PTDSS1: variants seen among roughly 807,000 people sequenced by gnomAD.
PTDSS1 encodes the protein phosphatidylserine synthase 1.
A neutral mutation model predicts 70.5 loss-of-function variants in PTDSS1; 45 were observed. That is an observed-to-expected ratio of 0.64 (90% CI 0.50 to 0.82). The LOEUF (loss-of-function observed/expected upper bound fraction) is 0.82. PTDSS1 is among the 40% of genes least tolerant of loss of function. The pLI, the probability that PTDSS1 is intolerant of heterozygous loss-of-function variation, is 0.00. For missense variants in PTDSS1, 417 were observed against 586.1 expected, an observed-to-expected ratio of 0.71 and a Z score of 2.98; for synonymous variants, 188 against 203.8, an observed-to-expected ratio of 0.92 and a Z score of 0.66.
intron 1 of PTDSS1, among the ~76,000 whole-genome samples, chr8:96,270,602 TAGTCTGATAGGA>T (rs1810552186): frequency 6.6e-6 from 1 of 152,218 alleles, no homozygotes; most frequent in Non-Finnish European, 1.5e-5. Context: ...TTGGGGCCTT[TAGTCTGATAGGA>T]CTCACATGGC....
intron 10 of PTDSS1, among the ~76,000 whole-genome samples, chr8:96,327,351 A>G (rs1446616671): frequency 6.6e-6 from 1 of 152,108 alleles, no homozygotes; most frequent in Non-Finnish European, 1.5e-5. Flanking sequence ...CTCTGATTAG[A>G]CTTACAGGAT....
chr8:96,318,893 C>G (rs1243382123), intron 9 of PTDSS1, among the ~76,000 whole-genome samples: 1 of 141,972 alleles, frequency 7.0e-6, no homozygotes, highest in Non-Finnish European at 1.5e-5. Context: ...CTTCTTGGCC[C>G]CTTCTTGCCT....
intron 10 of PTDSS1, among the ~76,000 whole-genome samples, chr8:96,322,144 C>T (rs1184636781): frequency 1.3e-5 from 2 of 152,134 alleles, no homozygotes; most frequent in African/African-American, 4.8e-5. Context: ...CACAGCAAAT[C>T]ACAGGCCTCC....
intron 1 of PTDSS1, among the ~76,000 whole-genome samples, chr8:96,264,523 C>G (rs1181466366): frequency 6.6e-6 from 1 of 152,096 alleles, no homozygotes; most frequent in Non-Finnish European, 1.5e-5. Context: ...AGTTTAACTT[C>G]ATCTTAGGTG....
intron 9 of PTDSS1, among the ~76,000 whole-genome samples, chr8:96,314,242 T>G (rs950210283): frequency 2.0e-5 from 3 of 152,170 alleles, no homozygotes; most frequent in African/African-American, 4.8e-5. Context: ...AGACAGGGTT[T>G]CACCATGTTG....
At chr8:96,332,726 G>T (rs541047811) in intron 12 of PTDSS1, among the ~76,000 whole-genome samples, 2 of 152,356 alleles carry the variant, frequency 1.3e-5, no homozygotes, top group East Asian at 3.9e-4. Flanking sequence ...TCTGAGTGGG[G>T]AAAGAATCTC....
intron 2 of PTDSS1, 60 bp downstream of exon 2, chr8:96,273,450 G>A (rs1360824895): frequency 1.6e-6 from 2 of 1,257,220 alleles, no homozygotes; most frequent in African/African-American, 3.0e-5. Flanking sequence ...GTTTTTTTGA[G>A]ATGTGAGTCA....
In PTDSS1 at chr8:96,327,284, A is replaced by G. The variant is rs11782664; in HGVS notation, c.1174-2929A>G. Among the ~76,000 whole-genome samples the G allele has an allele frequency of 3.3e-3, 503 of 152,154 alleles. 3 individuals are homozygous for G. In the Middle Eastern group the frequency reaches 0.051, roughly 15 times the overall value. ...GAGAGGAGCTGACTGAGGCTGGGAT[A>G]CCTTAATAAGAGGTCAGGCCGGGGA... On this transcript the variant is annotated intron_variant, in intron 10 of 12. Coordinates refer to ENST00000517309, the MANE Select transcript of PTDSS1 (RefSeq NM_014754.3).
intron 2 of PTDSS1, among the ~76,000 whole-genome samples, chr8:96,278,926 CT>C (rs1178794886): frequency 1.3e-5 from 2 of 150,678 alleles, no homozygotes; most frequent in Non-Finnish European, 2.9e-5. Context: ...AACAAGACCT[CT>C]TTTTTCCCTT....
chr8:96,329,094 T>G (rs910470296), intron 10 of PTDSS1, among the ~76,000 whole-genome samples: 2 of 152,158 alleles, frequency 1.3e-5, no homozygotes, highest in African/African-American at 2.4e-5. Flanking sequence ...GTTATGATTC[T>G]TAGAACTAAA....
intron 1 of PTDSS1, among the ~76,000 whole-genome samples, chr8:96,268,036 T>G (rs1810512744): frequency 6.6e-6 from 1 of 152,250 alleles, no homozygotes. Flanking sequence ...ATCTAACATG[T>G]CATAATATTA....
At chr8:96,270,795 C>A (rs1003547228) in intron 1 of PTDSS1, among the ~76,000 whole-genome samples, 1 of 152,064 alleles carries the variant, frequency 6.6e-6, no homozygotes, top group Admixed American at 6.6e-5. Context: ...TATTTTATTC[C>A]GTTTAATCAA....
rs150779208 is a variant in PTDSS1 at position 96,263,821 on chromosome 8, C to T, written c.179+1602C>T. 1.0e-3 allele frequency among the ~76,000 whole-genome samples: 152 copies of T among 152,312 alleles called. 2 individuals are homozygous for T. The highest frequency in any genetic ancestry group is 4.6e-3 in the South Asian group (22 of 4,832). ...CGTTTGCATACACACACACAAGTGC[C>T]GGTGGTGCCTCCCTTAGGAATAACT... is the stretch of plus-strand genomic sequence containing the variant. On this transcript the variant is annotated intron_variant, in intron 1 of 12. Transcript: ENST00000517309.
chr8:96,262,271 GGGA>G lies in PTDSS1; in HGVS notation c.179+55_179+57del. On this transcript the variant is annotated intron_variant, in intron 1 of 12. Coordinates refer to ENST00000517309, the MANE Select transcript of PTDSS1 (RefSeq NM_014754.3). This position sits in a 1 kb window ranked among gnomAD's most constrained non-coding sequence, Gnocchi z 4.4. ...CGCGTCCAAGGGCTAGGGAAGAGGC[GGGA>G]GGGAGGGTGGCGGGGAGGGGGGCCC... 6.5e-7 allele frequency: 1 copy of G among 1,539,980 alleles called. No homozygotes were observed. Among genetic ancestry groups the G allele is most frequent in the East Asian group, 2.4e-5 (1 of 42,532 alleles).
intron 11 of PTDSS1, 56 bp from the exon 12 acceptor site, chr8:96,330,970 C>T (rs1811507060): frequency 1.3e-6 from 2 of 1,487,908 alleles, no homozygotes; most frequent in Admixed American, 1.7e-5. Context: ...TTTTGCCCTG[C>T]CACTTCTCCC....
At chr8:96,266,945 A>C (rs1266209076) in intron 1 of PTDSS1, among the ~76,000 whole-genome samples, 1 of 152,178 alleles carries the variant, frequency 6.6e-6, no homozygotes, top group Non-Finnish European at 1.5e-5. Context: ...GTGAATGGGC[A>C]CTTGGGTGAC....
chr8:96,279,063 C>CG (rs1168517904), intron 2 of PTDSS1, among the ~76,000 whole-genome samples: 1 of 151,416 alleles, frequency 6.6e-6, no homozygotes, highest in East Asian at 1.9e-4. Context: ...CTCCACCTCC[C>CG]GGGCTCAAGC....
rs148703885 is a variant in PTDSS1, at chr8:96,290,146, C to T, written c.441+3000C>T. 4.6e-5 allele frequency among the ~76,000 whole-genome samples: 7 copies of T among 152,138 alleles called. No homozygotes were observed. The East Asian group carries it at 5.8e-4, about 13-fold the overall frequency. Reference sequence around the variant, plus strand: ...AACACAAGCCGATGGATCTCTCTGGCGTCAAAACCTGTGCTTTTCATTTGG... The same window carrying T: ...AACACAAGCCGATGGATCTCTCTGGTGTCAAAACCTGTGCTTTTCATTTGG... On this transcript the variant is annotated intron_variant, in intron 4 of 12. Coordinates refer to ENST00000517309, the MANE Select transcript of PTDSS1 (RefSeq NM_014754.3).
At chr8:96,321,191 C>T (rs1005746192) in intron 10 of PTDSS1, among the ~76,000 whole-genome samples, 1 of 152,164 alleles carries the variant, frequency 6.6e-6, no homozygotes, top group Non-Finnish European at 1.5e-5. Flanking sequence ...TTATGTTGTA[C>T]TCACTGCCCC....
Sources: allele counts gnomAD v4.1 joint callset (sites outside exome capture counted in the v4.1 genomes callset), GRCh38; gene constraint gnomAD v4.1.1; non-coding constraint Gnocchi (gnomAD v3.1); transcripts MANE v1.5; gene names NCBI Gene and HGNC (gene_info 2026-07-23, HGNC 2026-07-21).